The following ZNF518A variants were observed in gnomAD, a reference collection of about 807,000 sequenced individuals.
The protein encoded by ZNF518A is zinc finger protein 518A.
In ZNF518A, 47 loss-of-function variants were observed where a neutral mutation model predicts 102.7. The observed-to-expected ratio is 0.46, with a 90% confidence interval of 0.36 to 0.58. ZNF518A has a LOEUF of 0.58. Among genes scored for constraint, ZNF518A ranks in the 20% least tolerant of loss-of-function variants. The pLI, the probability that ZNF518A is intolerant of heterozygous loss-of-function variation, is 0.00. For missense variants in ZNF518A, 1,793 were observed against 1,699.8 expected, an observed-to-expected ratio of 1.05 and a Z score of -0.96; for synonymous variants, 652 against 594.6, an observed-to-expected ratio of 1.10 and a Z score of -1.40.
At chr10:96,185,121 G>T (rs1333290943) in intron 1 of ZNF518A, among the ~76,000 whole-genome samples, 4 of 152,128 alleles carry the variant, frequency 2.6e-5, no homozygotes, top group South Asian at 2.1e-4. Flanking sequence ...CATGCATCAC[G>T]TAGTTCTCGT....
rs1554871289 is a variant in ZNF518A, at chr10:96,130,688, G to T, written c.-517G>T. 6.6e-6 allele frequency: 1 copy of T among 152,370 alleles called. No homozygotes were observed. Among genetic ancestry groups the T allele is most frequent in the Non-Finnish European group, 1.5e-5 (1 of 68,152 alleles). 9.4% of individuals were successfully genotyped at this position (152,370 alleles called of 1,614,324 possible). A position where few individuals can be genotyped will look rare whatever the true frequency, so the allele number is the denominator to read the frequency against. Reference sequence around the variant, plus strand: ...TGCTGGCCCAGCGTATGGTCATTGGGGGCCATTTCTTGCAGAGATGCCCTG... The same window carrying T: ...TGCTGGCCCAGCGTATGGTCATTGGTGGCCATTTCTTGCAGAGATGCCCTG... On this transcript the variant is annotated 5_prime_UTR_variant, in exon 1 of 6. Transcript: ENST00000316045.
intron 1 of ZNF518A, among the ~76,000 whole-genome samples, chr10:96,131,100 A>G (rs2081313466): frequency 6.6e-6 from 1 of 152,308 alleles, no homozygotes; most frequent in East Asian, 1.9e-4. Context: ...CAAACGTCTA[A>G]AAAACCCTAG....
downstream of ZNF518A, among the ~76,000 whole-genome samples, chr10:96,165,103 C>T (rs1472906443): frequency 6.6e-6 from 1 of 152,168 alleles, no homozygotes; most frequent in African/African-American, 2.4e-5. Context: ...CAGTAATCAA[C>T]TGGGGAACAA....
At chr10:96,168,360 C>A (rs1554890574), downstream of ZNF518A, among the ~76,000 whole-genome samples, 1 of 151,242 alleles carries the variant, frequency 6.6e-6, no homozygotes, top group Non-Finnish European at 1.5e-5. Context: ...TTAAATAAAG[C>A]ATTTGTGTTC....
chr10:96,160,427 A>G lies in ZNF518A; in HGVS notation c.4105A>G (p.Lys1369Glu). The G allele has an allele frequency of 6.2e-7, 1 of 1,613,108 alleles. No individual in the cohort carries two copies. Among genetic ancestry groups the G allele is most frequent in the Middle Eastern group, 1.7e-4 (1 of 6,054 alleles). ...EVVSVMKTIA[K>E]FNGHVLKVSL... ...AGTAAGTGTAATGAAAACTATTGCT[A>G]AATTTAATGGACATGTACTTAAGGT... is the stretch of plus-strand genomic sequence containing the variant. The change falls in exon 6 of 6, where the codon AAA becomes GAA. Residue 1369 changes from lysine to glutamate, a missense_variant. Physicochemically the swap from Lys to Glu is moderately conservative, Grantham distance 56 (BLOSUM62 1). Transcript: ENST00000316045.
chr10:96,158,096 G>A lies in ZNF518A; in HGVS notation c.1774G>A (p.Gly592Ser). 6.2e-7 allele frequency: 1 copy of A among 1,613,498 alleles called. No homozygotes were observed. The highest frequency in any genetic ancestry group is 8.5e-7 in the Non-Finnish European group (1 of 1,179,704). Residue 592 changes from glycine to serine, a missense_variant, in exon 6 of 6, where the codon GGT becomes AGT. By Grantham distance (56) the Gly-to-Ser change is moderately conservative. Transcript: ENST00000316045. ...HLTQSHPEVL[G>S]TTIKSPDKVN... ...CACTCAGAGTCACCCCGAGGTATTA[G>A]GTACCACCATTAAAAGTCCAGATAA...
At chr10:96,139,226 G>C (rs181362196) in intron 3 of ZNF518A, among the ~76,000 whole-genome samples, 51 of 152,246 alleles carry the variant, frequency 3.3e-4, no homozygotes, top group African/African-American at 1.2e-3. Context: ...AGATACCGCT[G>C]TTTCTTGCAG....
At chr10:96,132,145 T>C (rs1026970108) in intron 1 of ZNF518A, among the ~76,000 whole-genome samples, 1 of 151,948 alleles carries the variant, frequency 6.6e-6, no homozygotes, top group Non-Finnish European at 1.5e-5. Flanking sequence ...AAATTTTTAT[T>C]TATTATCTGG....
At chr10:96,204,866 T>G, downstream of ZNF518A, 1 of 454,164 alleles carries the variant, frequency 2.2e-6, no homozygotes, top group Non-Finnish European at 4.1e-6. Context: ...ACTGGCAATG[T>G]ACATAGAGAC....
chr10:96,163,628 G>C lies in ZNF518A; in HGVS notation c.*2854G>C, dbSNP rs1249679738. 1 of 166,790 alleles carries C rather than the reference G, an allele frequency of 6.0e-6. No homozygotes were observed. The highest frequency in any genetic ancestry group is 1.5e-5 in the Non-Finnish European group (1 of 68,062). The allele number at this position is 166,790 out of a possible 1,614,324, so 10.3% of individuals were successfully genotyped here. ...GGTTAGCAAATTTTTTCAATAAAGG[G>C]TCAGATAAATAAGCTTCGTAGGCCT... On this transcript the variant is annotated 3_prime_UTR_variant, in exon 6 of 6. Coordinates refer to ENST00000316045, the MANE Select transcript of ZNF518A (RefSeq NM_001330736.2).
intron 3 of ZNF518A, among the ~76,000 whole-genome samples, chr10:96,135,598 G>T (rs2081558811): frequency 6.6e-6 from 1 of 152,186 alleles, no homozygotes. Flanking sequence ...ACAAGTATGT[G>T]CAACTGCCTG....
At chr10:96,133,492 G>T (rs587644477) in intron 2 of ZNF518A, 91 bp from the exon 3 acceptor site, 2 of 152,226 alleles carry the variant, frequency 1.3e-5, no homozygotes, top group African/African-American at 4.8e-5. Flanking sequence ...GAAAGCTTTG[G>T]AAATGTAGTG....
At chr10:96,130,967 A>T (rs587773425) in intron 1 of ZNF518A, 1 of 152,380 alleles carries the variant, frequency 6.6e-6, no homozygotes, top group South Asian at 2.1e-4. Flanking sequence ...TGGACCGATC[A>T]AACAGATGTA....
At chr10:96,165,038 A>G (rs10509705), downstream of ZNF518A, among the ~76,000 whole-genome samples, 7,764 of 152,302 alleles carry the variant, frequency 0.051, 277 homozygotes, top group Middle Eastern at 0.085. Context: ...TGCTTTTAAT[A>G]TCTTGGAAGT....
intron 3 of ZNF518A, among the ~76,000 whole-genome samples, chr10:96,149,803 T>C (rs1296891481): frequency 6.6e-6 from 1 of 152,224 alleles, no homozygotes; most frequent in East Asian, 1.9e-4. Flanking sequence ...TCTTTTCTGC[T>C]TTTTTAACTA....
At chr10:96,188,370 C>T (rs1286211139) in intron 1 of ZNF518A, among the ~76,000 whole-genome samples, 5 of 152,184 alleles carry the variant, frequency 3.3e-5, no homozygotes, top group East Asian at 1.9e-4. Flanking sequence ...AAATCCACCA[C>T]GCAGTACTGT....
intron 3 of ZNF518A, among the ~76,000 whole-genome samples, chr10:96,146,326 G>T (rs1248614118): frequency 2.0e-5 from 3 of 152,152 alleles, no homozygotes; most frequent in African/African-American, 7.2e-5. Context: ...ATCAGAAGTT[G>T]TATGCCTTTT....
intron 3 of ZNF518A, among the ~76,000 whole-genome samples, chr10:96,153,357 G>A (rs587594120): frequency 1.4e-4 from 22 of 152,308 alleles, no homozygotes; most frequent in African/African-American, 4.8e-4. Context: ...AAACCCAGAA[G>A]TAATGTTTTA....
In ZNF518A at chr10:96,158,518, C is replaced by T; in HGVS notation, c.2196C>T (p.Asn732=). ...LEKGQNIDGQ[N]LYSNENQNLE... ...AAGGACAAAACATTGATGGACAAAA[C>T]CTGTACAGTAATGAAAATCAAAATT... The change falls in exon 6 of 6, where the codon AAC becomes AAT. Residue 732 remains asparagine, a synonymous_variant. Transcript: ENST00000316045. 2.5e-6 allele frequency: 4 copies of T among 1,612,680 alleles called. No individual in the cohort carries two copies. The highest frequency in any genetic ancestry group is 3.4e-6 in the Non-Finnish European group (4 of 1,179,496).
Sources: allele counts gnomAD v4.1 joint callset (sites outside exome capture counted in the v4.1 genomes callset), GRCh38; gene constraint gnomAD v4.1.1; transcripts MANE v1.5; gene names NCBI Gene and HGNC (gene_info 2026-07-23, HGNC 2026-07-21).